The following MARCHF5 variants were observed in gnomAD, a reference collection of about 807,000 sequenced individuals.
The protein encoded by MARCHF5 is membrane associated ring-CH-type finger 5.
MARCHF5 carries 5 observed loss-of-function variants against 36.5 expected under a neutral mutation model. The ratio of observed to expected loss-of-function variants is 0.14; its 90% confidence interval spans 0.07 to 0.29. MARCHF5 has a LOEUF of 0.29. MARCHF5 is among the 10% of genes least tolerant of loss of function. The pLI is 1.00. For missense variants in MARCHF5, 179 were observed against 336.3 expected (o/e 0.53, Z 3.66); for synonymous variants, 103 against 109.9 (o/e 0.94, Z 0.39).
chr10:92,324,116 A>G (rs905181765), intron 2 of MARCHF5, among the ~76,000 whole-genome samples: 3 of 152,192 alleles, frequency 2.0e-5, no homozygotes, highest in Admixed American at 1.3e-4. Flanking sequence ...TCTCATTTTA[A>G]TTTGAAATTT....
At position 92,349,525 on chromosome 10, in the gene MARCHF5, A is replaced by G; in HGVS notation, c.546A>G (p.Ile182Met). The G allele has an allele frequency of 6.2e-7, 1 of 1,613,124 alleles. No homozygotes were observed. The highest frequency in any genetic ancestry group is 8.5e-7 in the Non-Finnish European group (1 of 1,179,558). The change falls in exon 4 of 6, where the codon ATA becomes ATG. Residue 182 changes from isoleucine to methionine, a missense_variant. Ile to Met is a conservative substitution (Grantham distance 10, BLOSUM62 1). This residue lies in a region of MARCHF5 where 95 missense variants were observed against 139.5 expected (regional missense o/e 0.68). Transcript: ENST00000358935. ...ATAAACTACAAATTTTAAATAGTAT[A>G]TTTCCAGGTAAGGCACTGAACTGTG... is the stretch of plus-strand genomic sequence containing the variant. ...YSNKLQILNS[I>M]FPGIGCPVPR...
Position 92,351,936 on chromosome 10 carries a change from G to GTGTGTATT in MARCHF5, c.*732_*733insGTATTTGT, listed in dbSNP as rs1182258125. 6.7e-6 allele frequency: 1 copy of GTGTGTATT among 149,998 alleles called. No homozygotes were observed. The highest frequency in any genetic ancestry group is 2.5e-5 in the African/African-American group (1 of 39,728). The allele number at this position is 149,998 out of a possible 1,614,324, so 9.3% of individuals were successfully genotyped here. Reference sequence around the variant, plus strand: ...TGTGTGTGTGTGTGTGTGTGTGTGTGTGTATTTGTGTGTTTCAGTGTTTCA... The same window carrying GTGTGTATT: ...TGTGTGTGTGTGTGTGTGTGTGTGTGTGTGTATTTGTATTTGTGTGTTTCAGTGTTTCA... On this transcript the variant is annotated 3_prime_UTR_variant, in exon 6 of 6. Coordinates refer to ENST00000358935, the MANE Select transcript of MARCHF5 (RefSeq NM_017824.5).
chr10:92,294,258 G>T (rs982810364), intron 1 of MARCHF5, among the ~76,000 whole-genome samples: 1 of 152,122 alleles, frequency 6.6e-6, no homozygotes, highest in Non-Finnish European at 1.5e-5. Flanking sequence ...CTAGCTATGT[G>T]ACTTTGAACT....
intron 2 of MARCHF5, among the ~76,000 whole-genome samples, chr10:92,337,654 G>A (rs1843520512): frequency 6.6e-6 from 1 of 151,942 alleles, no homozygotes; most frequent in Non-Finnish European, 1.5e-5. Flanking sequence ...TAACACTGAA[G>A]AAATAATAGC....
rs180935840 is a variant in MARCHF5, at chr10:92,328,607, C to T, written c.239-12066C>T. ...ATCACTTCAGATATTGCTTTTCCCC[C>T]ATTCTTTCCATTCTCATTTTGTAGA... On this transcript the variant is annotated intron_variant, in intron 2 of 5. Transcript: ENST00000358935. Among the ~76,000 whole-genome samples, 71 of 151,342 alleles carry T rather than the reference C, an allele frequency of 4.7e-4. 1 individual carries two copies. Among genetic ancestry groups the T allele is most frequent in the African/African-American group, 1.7e-3 (70 of 41,404 alleles).
chr10:92,318,351 G>A (rs557074560), intron 2 of MARCHF5, among the ~76,000 whole-genome samples: 9 of 151,424 alleles, frequency 5.9e-5, no homozygotes, highest in South Asian at 2.1e-4. Context: ...ACTTGAACCC[G>A]AGAGGCGGAG....
chr10:92,306,356 G>A (rs1490744025), intron 1 of MARCHF5, among the ~76,000 whole-genome samples: 1 of 152,174 alleles, frequency 6.6e-6, no homozygotes, highest in Non-Finnish European at 1.5e-5. Flanking sequence ...AGGCTACAGC[G>A]GCCAATCTGA....
At chr10:92,304,381 T>C (rs575558311) in intron 1 of MARCHF5, among the ~76,000 whole-genome samples, 24 of 152,338 alleles carry the variant, frequency 1.6e-4, no homozygotes, top group Middle Eastern at 3.4e-3. Flanking sequence ...AAAACATTTT[T>C]TATGCTAAAA....
chr10:92,318,641 GAAA>G (rs369470158), intron 2 of MARCHF5, among the ~76,000 whole-genome samples: 2 of 140,300 alleles, frequency 1.4e-5, no homozygotes, highest in African/African-American at 2.6e-5. Context: ...AGAAAGAACG[GAAA>G]AAAAAAAAAC....
intron 3 of MARCHF5, among the ~76,000 whole-genome samples, chr10:92,346,600 T>C (rs976631734): frequency 1.4e-5 from 2 of 147,452 alleles, no homozygotes; most frequent in African/African-American, 5.0e-5. Context: ...GCGATTCTCC[T>C]GCTTCAGCCT....
chr10:92,316,655 T>C (rs1426121079), intron 2 of MARCHF5, among the ~76,000 whole-genome samples: 2 of 152,184 alleles, frequency 1.3e-5, no homozygotes, highest in Non-Finnish European at 2.9e-5. Flanking sequence ...CTCAGACTCC[T>C]GGGCTCAAGC....
intron 1 of MARCHF5, among the ~76,000 whole-genome samples, chr10:92,306,181 C>T (rs2135182083): frequency 6.6e-6 from 1 of 152,334 alleles, no homozygotes; most frequent in Non-Finnish European, 1.5e-5. Flanking sequence ...ATTCTTAAGG[C>T]TCCACTTAGT....
At chr10:92,334,516 AT>A (rs1452254934) in intron 2 of MARCHF5, 2 of 152,346 alleles carry the variant, frequency 1.3e-5, no homozygotes, top group East Asian at 3.9e-4. Flanking sequence ...CCAGTTACAT[AT>A]TTCTTTGTTT....
chr10:92,319,735 A>C (rs1205326311), intron 2 of MARCHF5, among the ~76,000 whole-genome samples: 10 of 147,660 alleles, frequency 6.8e-5, no homozygotes, highest in African/African-American at 1.0e-4. Context: ...GCTCACTGCA[A>C]CCTCCGCCTC....
intron 2 of MARCHF5, among the ~76,000 whole-genome samples, chr10:92,338,640 A>G (rs1376945548): frequency 2.0e-5 from 3 of 152,176 alleles, no homozygotes; most frequent in Admixed American, 6.5e-5. Flanking sequence ...TGTTCTCTCT[A>G]CTTTACAATG....
intron 1 of MARCHF5, among the ~76,000 whole-genome samples, chr10:92,291,866 T>G (rs996336273): frequency 2.6e-4 from 40 of 152,234 alleles, no homozygotes; most frequent in African/African-American, 9.6e-4. Context: ...GTGAAGTGTT[T>G]GTCAGCGATG....
At position 92,314,515 on chromosome 10, in the gene MARCHF5, G is replaced by A. The variant is rs575853159; in HGVS notation, c.238+3178G>A. ...AAATTAGCCAGGCGTGGTGGCAGGCGCCTGTAATCCCAGCTACTTGGGAGG... is the reference window on the plus strand; with the variant it reads ...AAATTAGCCAGGCGTGGTGGCAGGCACCTGTAATCCCAGCTACTTGGGAGG... On this transcript the variant is annotated intron_variant, in intron 2 of 5. Coordinates refer to ENST00000358935, the MANE Select transcript of MARCHF5 (RefSeq NM_017824.5). 1.6e-4 allele frequency among the ~76,000 whole-genome samples: 25 copies of A among 152,062 alleles called. No homozygotes were observed. In the South Asian group the frequency reaches 3.7e-3, roughly 23 times the overall value.
At chr10:92,294,577 C>G (rs1346385189) in intron 1 of MARCHF5, among the ~76,000 whole-genome samples, 1 of 152,216 alleles carries the variant, frequency 6.6e-6, no homozygotes, top group Non-Finnish European at 1.5e-5. Flanking sequence ...GAATTCTTTT[C>G]ATGAATTTGG....
At position 92,331,900 on chromosome 10, in the gene MARCHF5, C is replaced by CAT. The variant is rs1305365323; in HGVS notation, c.239-8766_239-8765dup. 4.2e-5 allele frequency among the ~76,000 whole-genome samples: 6 copies of CAT among 144,034 alleles called. No homozygotes were observed. The East Asian group carries it at 9.9e-4, about 24-fold the overall frequency. The allele number at this position is 144,034 out of a possible 152,430, so 94.5% of individuals were successfully genotyped here. On this transcript the variant is annotated intron_variant, in intron 2 of 5. Coordinates refer to ENST00000358935, the MANE Select transcript of MARCHF5 (RefSeq NM_017824.5). ...ATAATCATATATATGTATATATAAT[C>CAT]ATATATATGTATATATAATCATATA... is the stretch of plus-strand genomic sequence containing the variant.
Sources: gnomAD v4.1 joint callset for allele counts (sites outside exome capture counted in the v4.1 genomes callset) on GRCh38, gnomAD v4.1.1 for gene constraint, gnomAD v4.1.1 regional missense constraint, MANE v1.5 for transcripts, NCBI Gene and HGNC (gene_info 2026-07-23, HGNC 2026-07-21) for gene names.